HESX1: variants seen among roughly 807,000 people sequenced by gnomAD.
HESX1 encodes HESX homeobox 1, also known as homeobox expressed in ES cells 1.
A neutral mutation model predicts 22.5 loss-of-function variants in HESX1; 11 were observed. That is an observed-to-expected ratio of 0.49 (90% confidence interval 0.31 to 0.81). The LOEUF (loss-of-function observed/expected upper bound fraction) is 0.81, where lower values mean the gene tolerates loss of function less well. HESX1 is among the 30% of genes least tolerant of loss of function. The probability of loss-of-function intolerance (pLI) is 0.05; values close to 1 mark genes in which losing one functional copy is unlikely to be tolerated. For missense variants in HESX1, 201 were observed against 212.6 expected (o/e 0.95, Z 0.34); for synonymous variants, 74 against 76.5 (o/e 0.97, Z 0.17).
At chr3:57,220,945 C>T (rs1234318085) in intron 1 of HESX1, among the ~76,000 whole-genome samples, 2 of 152,162 alleles carry the variant, frequency 1.3e-5, no homozygotes, top group Non-Finnish European at 2.9e-5. Context: ...ATCTTGGGCT[C>T]TGCGCAATTC....
upstream of HESX1, among the ~76,000 whole-genome samples, chr3:57,204,200 T>C (rs778787475): frequency 2.6e-5 from 4 of 152,156 alleles, no homozygotes; most frequent in Non-Finnish European, 5.9e-5. Flanking sequence ...TTATGTTTTT[T>C]TAGAGATAGG....
In HESX1 at chr3:57,205,478, A is replaced by G. The variant is rs370274225; in HGVS notation, c.-110-5450T>C. Among the ~76,000 whole-genome samples the G allele has an allele frequency of 5.3e-5, 8 of 152,252 alleles. No individual in the cohort carries two copies. The East Asian group carries it at 1.4e-3, about 26-fold the overall frequency. On this transcript the variant is annotated intron_variant, in intron 1 of 2. Coordinates refer to the HESX1 transcript ENST00000495160. ...TTTACAATGGCCTGCAGGACCCTACATGACCTGCCAGCCTTCCTTATTTAC... is the reference window on the plus strand; with the variant it reads ...TTTACAATGGCCTGCAGGACCCTACGTGACCTGCCAGCCTTCCTTATTTAC...
chr3:57,209,919 TG>T (rs937394323), intron 1 of HESX1, among the ~76,000 whole-genome samples: 1 of 152,196 alleles, frequency 6.6e-6, no homozygotes, highest in Non-Finnish European at 1.5e-5. Context: ...TTTTATCATT[TG>T]GTAGCTGAGA....
intron 1 of HESX1, among the ~76,000 whole-genome samples, chr3:57,216,661 T>C (rs1044728975): frequency 1.3e-5 from 2 of 152,174 alleles, no homozygotes; most frequent in Admixed American, 6.5e-5. Context: ...TAGGTTCAGG[T>C]TGAGCATCTT....
At chr3:57,203,383 G>T (rs1311244740), upstream of HESX1, among the ~76,000 whole-genome samples, 3 of 152,218 alleles carry the variant, frequency 2.0e-5, no homozygotes, top group East Asian at 5.8e-4. Context: ...AAGGTTATGG[G>T]AGATAGAATA....
intron 1 of HESX1, among the ~76,000 whole-genome samples, chr3:57,222,818 G>C (rs1294636002): frequency 2.0e-5 from 3 of 151,844 alleles, no homozygotes; most frequent in Non-Finnish European, 4.4e-5. Flanking sequence ...TTTGGTTTTG[G>C]CCTCAAAAGC....
chr3:57,207,634 C>A (rs2060527196), intron 1 of HESX1, among the ~76,000 whole-genome samples: 1 of 152,004 alleles, frequency 6.6e-6, no homozygotes, highest in Non-Finnish European at 1.5e-5. Flanking sequence ...TGATACAGAT[C>A]TAGAAGAAAT....
upstream of HESX1, among the ~76,000 whole-genome samples, chr3:57,227,465 C>G (rs565124633): frequency 6.6e-6 from 1 of 152,350 alleles, no homozygotes; most frequent in Admixed American, 6.5e-5. Context: ...CCCCGTGTGG[C>G]CCTAACTCGA....
At chr3:57,199,667 T>C (rs978988816) in intron 1 of HESX1, 95 bp downstream of exon 1, 1 of 966,058 alleles carries the variant, frequency 1.0e-6, no homozygotes, top group Non-Finnish European at 1.6e-6. Flanking sequence ...TAAATTAAAG[T>C]CCTAAACTCT....
At chr3:57,217,509 T>A (rs2060589146) in intron 1 of HESX1, among the ~76,000 whole-genome samples, 1 of 152,108 alleles carries the variant, frequency 6.6e-6, no homozygotes, top group South Asian at 2.1e-4. Flanking sequence ...AGAGATGGCT[T>A]CCTTACCTCA....
At chr3:57,199,688 A>T in intron 1 of HESX1, 74 bp downstream of exon 1, 1 of 1,226,196 alleles carries the variant, frequency 8.2e-7, no homozygotes, top group Non-Finnish European at 1.2e-6. Flanking sequence ...AGCTCTATGT[A>T]GTATGAAATA....
intron 1 of HESX1, among the ~76,000 whole-genome samples, chr3:57,212,890 C>T (rs2060563516): frequency 6.6e-6 from 1 of 151,982 alleles, no homozygotes; most frequent in Admixed American, 6.6e-5. Context: ...TTTGCTGCAC[C>T]CATCAACTCA....
At chr3:57,219,027 CCCA>C (rs1353864835) in intron 1 of HESX1, among the ~76,000 whole-genome samples, 3 of 152,298 alleles carry the variant, frequency 2.0e-5, no homozygotes, top group Non-Finnish European at 2.9e-5. Flanking sequence ...AATTTACACT[CCCA>C]CCAATAGTGT....
upstream of HESX1, among the ~76,000 whole-genome samples, chr3:57,201,481 A>G (rs902349946): frequency 4.6e-5 from 7 of 151,870 alleles, no homozygotes; most frequent in African/African-American, 1.7e-4. Context: ...TCCTTCCACA[A>G]TTGGTTGAGC....
At chr3:57,210,292 T>C (rs540439905) in intron 1 of HESX1, among the ~76,000 whole-genome samples, 2 of 152,342 alleles carry the variant, frequency 1.3e-5, no homozygotes, top group South Asian at 4.1e-4. Context: ...TTATGTTTTT[T>C]CTTGTTTTAG....
intron 1 of HESX1, among the ~76,000 whole-genome samples, chr3:57,205,852 C>G (rs1253491089): frequency 6.6e-6 from 1 of 152,044 alleles, no homozygotes; most frequent in Non-Finnish European, 1.5e-5. Context: ...TGTCTGTTTC[C>G]TCTCTATAGG....
upstream of HESX1, among the ~76,000 whole-genome samples, chr3:57,204,707 G>C (rs2060509974): frequency 6.6e-6 from 1 of 152,000 alleles, no homozygotes; most frequent in Non-Finnish European, 1.5e-5. Flanking sequence ...GCTGAGGTAG[G>C]AGGATCCCTT....
At chr3:57,198,683 T>C in intron 2 of HESX1, 70 bp downstream of exon 2, 1 of 1,377,128 alleles carries the variant, frequency 7.3e-7, no homozygotes, top group Non-Finnish European at 1.0e-6. Flanking sequence ...CCAAAGTGAG[T>C]GGGCTTTTGC....
chr3:57,206,226 G>A (rs1280004688), intron 1 of HESX1, among the ~76,000 whole-genome samples: 1 of 152,022 alleles, frequency 6.6e-6, no homozygotes, highest in Admixed American at 6.6e-5. Context: ...AAACAAAACA[G>A]TGCTTAGCTC....
Sources: gnomAD v4.1 joint callset for allele counts (sites outside exome capture counted in the v4.1 genomes callset) on GRCh38, gnomAD v4.1.1 for gene constraint, MANE v1.5 for transcripts, NCBI Gene and HGNC (gene_info 2026-07-23, HGNC 2026-07-21) for gene names.